The following HOXA11 variants were observed in gnomAD, a reference collection of about 807,000 sequenced individuals.
HOXA11 encodes the protein homeobox A11, also known as homeobox protein Hox-A11.
A neutral mutation model predicts 22.5 loss-of-function variants in HOXA11; 8 were observed. The ratio of observed to expected loss-of-function variants is 0.36; its 90% CI spans 0.21 to 0.64. The LOEUF (loss-of-function observed/expected upper bound fraction) is 0.64, where lower values mean the gene tolerates loss of function less well. Ranked by LOEUF, HOXA11 falls within the 30% of genes least tolerant of loss-of-function variation. The probability of loss-of-function intolerance (pLI) is 0.67; values close to 1 mark genes in which losing one functional copy is unlikely to be tolerated. For synonymous variants in HOXA11, 211 were observed against 188.4 expected (o/e 1.12, Z -0.98); for missense variants, 388 against 429.0 (o/e 0.90, Z 0.84).
In HOXA11 at chr7:27,182,812, G is replaced by A. The variant is rs773529344; in HGVS notation, c.926C>T (p.Ala309Val). ...GCTGGAGTCTTAGAGGAGTGGATTT[G>A]CTGAGTAGTACTGTAAACGGTCTCT... is the stretch of plus-strand genomic sequence containing the variant. The part of the protein sequence containing the change: ...INRDRLQYYS[A>V]NPLL The change falls in exon 2 of 2, where the codon GCA (alanine) becomes GTA (valine). Residue 309 changes from alanine to valine, a missense_variant. Around this residue, in one of 4 missense-constraint regions of HOXA11, gnomAD observed 55 missense variants for 90.8 expected, o/e 0.61. Coordinates refer to ENST00000006015, the MANE Select transcript of HOXA11 (RefSeq NM_005523.6). 2.6e-5 allele frequency: 41 copies of A among 1,604,536 alleles called. No homozygotes were observed. Among genetic ancestry groups the A allele is most frequent in the Admixed American group, 1.7e-4 (10 of 60,002 alleles).
chr7:27,181,363 C>A lies in HOXA11; in HGVS notation c.*1433G>T. 4.8e-6 allele frequency: 1 copy of A among 207,528 alleles called. No individual in the cohort carries two copies. The highest frequency in any genetic ancestry group is 9.8e-6 in the Non-Finnish European group (1 of 101,608). The allele number at this position is 207,528 out of a possible 1,614,324, so 12.9% of individuals were successfully genotyped here. A position where few individuals can be genotyped will look rare whatever the true frequency, so the allele number is the denominator to read the frequency against. ...AGATGAGATCCCCAGGCCGGCCAGG[C>A]CGACTGCCTCTGAGCATTTCCCTAA... On this transcript the variant is annotated 3_prime_UTR_variant, in exon 2 of 2. Coordinates refer to ENST00000006015, the MANE Select transcript of HOXA11 (RefSeq NM_005523.6).
rs1263450649 is a variant in HOXA11 at position 27,184,642 on chromosome 7, C to A, written c.503G>T (p.Gly168Val). 8.8e-6 allele frequency: 14 copies of A among 1,589,522 alleles called. No individual in the cohort carries two copies. Among genetic ancestry groups the A allele is most frequent in the Middle Eastern group, 1.8e-4 (1 of 5,632 alleles). The stretch of plus-strand genomic sequence containing the variant: ...GGAGGTCGCCGTGGCCGCCGGGGGC[C>A]CCTTCTCGGCGCTCTTGTCCCCGGG... ...DYPGDKSAEKGPPAATATSAA... is the reference protein window; with the variant it reads ...DYPGDKSAEKVPPAATATSAA... The change falls in exon 1 of 2, where the codon GGG (glycine) becomes GTG (valine). Residue 168 changes from glycine (G) to valine (V), a missense_variant. By Grantham distance (109) the Gly-to-Val change is moderately radical (BLOSUM62 -3). Transcript: ENST00000006015.
rs375777673 is a variant in HOXA11 at position 27,182,070 on chromosome 7, C to G, written c.*726G>C. ...CCTCAGGGAACAGTCCACTCTGTGT[C>G]GAGGCTTTGGGCCTGAGTGGCAGGC... On this transcript the variant is annotated 3_prime_UTR_variant, in exon 2 of 2. Coordinates refer to ENST00000006015, the MANE Select transcript of HOXA11 (RefSeq NM_005523.6). 1.1e-4 allele frequency: 27 copies of G among 234,992 alleles called. No homozygotes were observed. In the East Asian group the frequency reaches 1.6e-3, roughly 14 times the overall value. 14.6% of individuals were successfully genotyped at this position (234,992 alleles called of 1,614,324 possible).
chr7:27,183,505 C>G (rs951565982), intron 1 of HOXA11, among the ~76,000 whole-genome samples: 1 of 152,240 alleles, frequency 6.6e-6, no homozygotes, highest in African/African-American at 2.4e-5. Context: ...TCCTTAACAT[C>G]TGGGGCGGCT....
At position 27,184,789 on chromosome 7, in the gene HOXA11, G is replaced by T. The variant is rs1479534164; in HGVS notation, c.356C>A (p.Thr119Asn). 1.2e-6 allele frequency: 2 copies of T among 1,613,944 alleles called. No individual in the cohort carries two copies. Among genetic ancestry groups the T allele is most frequent in the Non-Finnish European group, 1.7e-6 (2 of 1,179,954 alleles). ...ATAGAAATTGGACGAGACTGCGGGG[G>T]TGGGGTGGTGGTAGACGTTGGCCGA... ...KSSANVYHHP[T>N]PAVSSNFYST... The change falls in exon 1 of 2, where the codon ACC (threonine) becomes AAC (asparagine). Residue 119 changes from threonine (T) to asparagine (N), a missense_variant. By Grantham distance (65) the Thr-to-Asn change is moderately conservative. Coordinates refer to ENST00000006015, the MANE Select transcript of HOXA11 (RefSeq NM_005523.6).
rs1160200454 is a variant in HOXA11 at position 27,181,356 on chromosome 7, G to GACT, written c.*1439_*1440insAGT. On this transcript the variant is annotated 3_prime_UTR_variant, in exon 2 of 2. Coordinates refer to ENST00000006015, the MANE Select transcript of HOXA11 (RefSeq NM_005523.6). ...CTTTCCCAGATGAGATCCCCAGGCC[G>GACT]GCCAGGCCGACTGCCTCTGAGCATT... Among the ~76,000 whole-genome samples the GACT allele has an allele frequency of 6.6e-6, 1 of 152,114 alleles. No individual in the cohort carries two copies. Among genetic ancestry groups the GACT allele is most frequent in the East Asian group, 1.9e-4 (1 of 5,190 alleles).
chr7:27,182,426 T>C lies in HOXA11; in HGVS notation c.*370A>G, dbSNP rs1783785103. The stretch of plus-strand genomic sequence containing the variant: ...CTTTTTTACTCAGGGGTCCTGGGGG[T>C]GGGTAGGCTCCCAGTAGAGGGAGGG... On this transcript the variant is annotated 3_prime_UTR_variant, in exon 2 of 2. Coordinates refer to ENST00000006015, the MANE Select transcript of HOXA11 (RefSeq NM_005523.6). The C allele has an allele frequency of 2.4e-6, 1 of 410,312 alleles. No homozygotes were observed. Among genetic ancestry groups the C allele is most frequent in the Non-Finnish European group, 4.5e-6 (1 of 221,376 alleles). 25.4% of individuals were successfully genotyped at this position (410,312 alleles called of 1,614,324 possible). A position where few individuals can be genotyped will look rare whatever the true frequency, so the allele number is the denominator to read the frequency against.
chr7:27,184,323 C>A (rs569608150), intron 1 of HOXA11, 113 bp downstream of exon 1: 17 of 1,024,950 alleles, frequency 1.7e-5, no homozygotes, highest in African/African-American at 6.7e-5. Context: ...AACCTAAAGG[C>A]CCTTCATAAA....
At position 27,184,678 on chromosome 7, in the gene HOXA11, G is replaced by A. The variant is rs1475363601; in HGVS notation, c.467C>T (p.Ser156Phe). ...TAYGTPENLA[S>F]SDYPGDKSAE... is the part of the protein sequence containing the mutation. ...GCTCTTGTCCCCGGGGTAGTCGGAG[G>A]AGGCGAGGTTTTCCGGGGTGCCGTA... The change falls in exon 1 of 2, where the codon TCC becomes TTC. Residue 156 changes from serine to phenylalanine, a missense_variant. Transcript: ENST00000006015. 17 of 1,613,042 alleles carry A rather than the reference G, an allele frequency of 1.1e-5. No homozygotes were observed. Among genetic ancestry groups the A allele is most frequent in the Non-Finnish European group, 1.4e-5 (17 of 1,179,868 alleles).
chr7:27,183,587 G>A (rs1434460454), intron 1 of HOXA11, among the ~76,000 whole-genome samples: 1 of 152,152 alleles, frequency 6.6e-6, no homozygotes, highest in Non-Finnish European at 1.5e-5. Context: ...GCTCCGCCGA[G>A]GTGGGGAGGT....
Position 27,182,576 on chromosome 7 carries a change from T to C in HOXA11, c.*220A>G, listed in dbSNP as rs1203330920. On this transcript the variant is annotated 3_prime_UTR_variant, in exon 2 of 2. Transcript: ENST00000006015. The stretch of plus-strand genomic sequence containing the variant: ...GGGGTCCCAAACCTGTCATTCTAGC[T>C]GATGCACAGCTCTCAGAATCCAATG... 6.6e-6 allele frequency: 4 copies of C among 604,094 alleles called. No homozygotes were observed. In the East Asian group the frequency reaches 1.2e-4, roughly 17 times the overall value. 37.4% of individuals were successfully genotyped at this position (604,094 alleles called of 1,614,324 possible). A position where few individuals can be genotyped will look rare whatever the true frequency, so the allele number is the denominator to read the frequency against.
At position 27,182,398 on chromosome 7, in the gene HOXA11, C is replaced by G; in HGVS notation, c.*398G>C. Reference sequence around the variant, plus strand: ...AGCTGAACTGGGCTTGGAGAGCACACAGCTTTTTTACTCAGGGGTCCTGGG... The same window carrying G: ...AGCTGAACTGGGCTTGGAGAGCACAGAGCTTTTTTACTCAGGGGTCCTGGG... On this transcript the variant is annotated 3_prime_UTR_variant, in exon 2 of 2. Transcript: ENST00000006015. 1 of 401,850 alleles carries G rather than the reference C, an allele frequency of 2.5e-6. No individual in the cohort carries two copies. The highest frequency in any genetic ancestry group is 4.6e-6 in the Non-Finnish European group (1 of 216,220). The allele number at this position is 401,850 out of a possible 1,614,324, so 24.9% of individuals were successfully genotyped here.
In HOXA11 at chr7:27,181,305, A is replaced by G. The variant is rs149842603; in HGVS notation, c.*1491T>C. Among the ~76,000 whole-genome samples the G allele has an allele frequency of 9.2e-5, 14 of 152,342 alleles. 1 individual carries two copies. The highest frequency in any genetic ancestry group is 3.4e-4 in the African/African-American group (14 of 41,584). On this transcript the variant is annotated 3_prime_UTR_variant, in exon 2 of 2. Coordinates refer to ENST00000006015, the MANE Select transcript of HOXA11 (RefSeq NM_005523.6). ...GACATTTCTTAACACAGGGAGGCAAAGGAGATTCAATGGGAGGGTGCCTGG... is the reference window on the plus strand; with the variant it reads ...GACATTTCTTAACACAGGGAGGCAAGGGAGATTCAATGGGAGGGTGCCTGG...
chr7:27,181,711 T>C lies in HOXA11; in HGVS notation c.*1085A>G, dbSNP rs1215178362. ...GCTTTGGTTCCTTCAGGGAAATATA[T>C]ATATATATAATATAATATTTATCTT... is the stretch of plus-strand genomic sequence containing the variant. On this transcript the variant is annotated 3_prime_UTR_variant, in exon 2 of 2. Coordinates refer to ENST00000006015, the MANE Select transcript of HOXA11 (RefSeq NM_005523.6). 1 of 172,330 alleles carries C rather than the reference T, an allele frequency of 5.8e-6. No individual in the cohort carries two copies. Among genetic ancestry groups the C allele is most frequent in the Non-Finnish European group, 1.3e-5 (1 of 79,994 alleles). The allele number at this position is 172,330 out of a possible 1,614,324, so 10.7% of individuals were successfully genotyped here.
intron 1 of HOXA11, among the ~76,000 whole-genome samples, chr7:27,183,747 T>TAAAAAAAAAA (rs61633228): frequency 3.7e-5 from 2 of 53,610 alleles, no homozygotes; most frequent in African/African-American, 7.2e-5. Context: ...GCTCCCCCTT[T>TAAAAAAAAAA]AAAAAAAAAA....
chr7:27,184,531 G>T lies in HOXA11; in HGVS notation c.614C>A (p.Ala205Glu), dbSNP rs1377868145. 2.0e-6 allele frequency: 3 copies of T among 1,504,690 alleles called. No homozygotes were observed. Among genetic ancestry groups the T allele is most frequent in the Non-Finnish European group, 2.7e-6 (3 of 1,124,490 alleles). The allele number at this position is 1,504,690 out of a possible 1,614,324, so 93.2% of individuals were successfully genotyped here. Residue 205 changes from alanine (A) to glutamate (E), a missense_variant, in exon 1 of 2, where the codon GCG becomes GAG. Transcript: ENST00000006015. ...CCGCCGCTCTTTCTCCTCTGCTGCC[G>T]CCGCCGTCTCCCGGCAGCCGCCGCC... ...GGGGGCRETA[A>E]AAEEKERRRR...
Position 27,182,825 on chromosome 7 carries a change from GT to G in HOXA11, c.912del (p.Leu304PhefsTer25), listed in dbSNP as rs747952678. 3 of 1,612,450 alleles carry G rather than the reference GT, an allele frequency of 1.9e-6. No individual in the cohort carries two copies. In the African/African-American group the frequency reaches 4.0e-5, roughly 22 times the overall value. ...AGGAGTGGATTTGCTGAGTAGTACT[GT>G]AAACGGTCTCTGTTAATTTTTTTTT... ...MKEKKINRDR[L>X]QYYSANPLL On this transcript the variant is annotated frameshift_variant, in exon 2 of 2. Coordinates refer to ENST00000006015, the MANE Select transcript of HOXA11 (RefSeq NM_005523.6). LOFTEE classifies it high-confidence loss of function.
intron 1 of HOXA11, 35 bp downstream of exon 1, chr7:27,184,401 T>C (rs1242949782): frequency 1.3e-6 from 2 of 1,567,054 alleles, no homozygotes; most frequent in African/African-American, 1.4e-5. Context: ...CCAACTCCCC[T>C]TTCATAAAGC....
At chr7:27,184,291 A>T (rs1783819683) in intron 1 of HOXA11, 145 bp downstream of exon 1, 1 of 765,764 alleles carries the variant, frequency 1.3e-6, no homozygotes, top group Non-Finnish European at 2.0e-6. Flanking sequence ...CCCGCCTTTT[A>T]TAACAAAGTT....
Sources: allele counts gnomAD v4.1 joint callset (sites outside exome capture counted in the v4.1 genomes callset), GRCh38; gene constraint gnomAD v4.1.1; regional missense constraint gnomAD v4.1.1; transcripts MANE v1.5; gene names NCBI Gene and HGNC (gene_info 2026-07-23, HGNC 2026-07-21).